RCC2: variants seen among roughly 807,000 people sequenced by gnomAD.
RCC2 encodes the protein regulator of chromosome condensation 2, also known as protein RCC2.
Under a neutral mutation model 64.1 loss-of-function variants are expected in RCC2, and 19 were observed. The ratio of observed to expected loss-of-function variants is 0.30; its 90% CI spans 0.21 to 0.44. RCC2 has a LOEUF of 0.44. Among genes scored for constraint, RCC2 ranks in the 20% least tolerant of loss-of-function variants. The probability of loss-of-function intolerance (pLI) is 1.00; values close to 1 mark genes in which losing one functional copy is unlikely to be tolerated. For missense variants in RCC2, 508 were observed against 710.4 expected, an observed-to-expected ratio of 0.72 and a Z score of 3.24; for synonymous variants, 325 against 279.6, an observed-to-expected ratio of 1.16 and a Z score of -1.62.
intron 11 of RCC2, among the ~76,000 whole-genome samples, chr1:17,410,591 G>A (rs939487245): frequency 5.9e-5 from 9 of 152,202 alleles, no homozygotes; most frequent in Admixed American, 5.2e-4. Flanking sequence ...GCGCAGCTAA[G>A]GGGGAGTCTT....
chr1:17,433,539 T>C (rs571878132), intron 2 of RCC2, among the ~76,000 whole-genome samples: 14 of 152,310 alleles, frequency 9.2e-5, no homozygotes, highest in African/African-American at 3.4e-4. Flanking sequence ...ACGAACTCAG[T>C]GTCTGCGACC....
At chr1:17,415,976 G>A (rs535843853) in intron 8 of RCC2, among the ~76,000 whole-genome samples, 10 of 150,714 alleles carry the variant, frequency 6.6e-5, no homozygotes, top group African/African-American at 2.2e-4. Flanking sequence ...GGCTGAGGCA[G>A]GAGAATTGCT....
rs71014951 is a variant in RCC2, at chr1:17,431,359, A to AATATATAT, written c.286-2168_286-2161dup. 1.9e-3 allele frequency among the ~76,000 whole-genome samples: 87 copies of AATATATAT among 44,922 alleles called. 5 individuals carry two copies. The highest frequency in any genetic ancestry group is 4.4e-3 in the South Asian group (6 of 1,364). The allele number at this position is 44,922 out of a possible 152,430, so 29.5% of individuals were successfully genotyped here. On this transcript the variant is annotated intron_variant, in intron 2 of 12. Coordinates refer to ENST00000375436, the MANE Select transcript of RCC2 (RefSeq NM_018715.4). ...AAAAAAAAAAAAAAAAAAAAAAAAAAATATATATATATATATATATATGTG... is the reference window on the plus strand; with the variant it reads ...AAAAAAAAAAAAAAAAAAAAAAAAAAATATATATATATATATATATATATATATATGTG...
At position 17,429,212 on chromosome 1, in the gene RCC2, A is replaced by T. The variant is rs747302610; in HGVS notation, c.286-13T>A. ...ACCCTTCAAGTTTCTGCAGAGACAG[A>T]GAAAGGAAAAAAGAATTAGTGTGTA... On this transcript the variant is annotated splice_polypyrimidine_tract_variant and intron_variant, in intron 2 of 12. Transcript: ENST00000375436. 5 of 1,610,602 alleles carry T rather than the reference A, an allele frequency of 3.1e-6. No homozygotes were observed. Among genetic ancestry groups the T allele is most frequent in the Non-Finnish European group, 4.2e-6 (5 of 1,176,768 alleles).
chr1:17,437,007 C>T lies in RCC2; in HGVS notation c.285+1223G>A, dbSNP rs141396948. On this transcript the variant is annotated intron_variant, in intron 2 of 12. Coordinates refer to ENST00000375436, the MANE Select transcript of RCC2 (RefSeq NM_018715.4). Reference sequence around the variant, plus strand: ...TCTCCTCCACTGCCTAACATGTTAACCCTTTCACCCAGAAGGCACTTTTAC... The same window carrying T: ...TCTCCTCCACTGCCTAACATGTTAATCCTTTCACCCAGAAGGCACTTTTAC... Among the ~76,000 whole-genome samples the T allele has an allele frequency of 3.0e-3, 463 of 152,330 alleles. 2 individuals carry two copies. Among genetic ancestry groups the T allele is most frequent in the Non-Finnish European group, 5.3e-3 (360 of 68,040 alleles).
chr1:17,431,549 C>T (rs917521445), intron 2 of RCC2, among the ~76,000 whole-genome samples: 8 of 146,220 alleles, frequency 5.5e-5, no homozygotes, highest in Non-Finnish European at 1.1e-4. Flanking sequence ...AAAAGGGCAG[C>T]TCCAGGCCCA....
At chr1:17,422,408 T>A in intron 5 of RCC2, 117 bp from the exon 6 acceptor site, 1 of 946,490 alleles carries the variant, frequency 1.1e-6, no homozygotes, top group Non-Finnish European at 1.6e-6. Context: ...AGAAGGCAAG[T>A]GAGACTGCCC....
intron 11 of RCC2, 98 bp downstream of exon 11, chr1:17,412,024 C>T: frequency 9.4e-7 from 1 of 1,062,094 alleles, no homozygotes; most frequent in South Asian, 1.3e-5. Flanking sequence ...AAATGTTTTT[C>T]TTCTGTGTGT....
At chr1:17,417,835 C>T (rs971405087) in intron 7 of RCC2, among the ~76,000 whole-genome samples, 1 of 151,994 alleles carries the variant, frequency 6.6e-6, no homozygotes, top group Non-Finnish European at 1.5e-5. Flanking sequence ...ATACAGTCAG[C>T]CCTCCATGGC....
At chr1:17,411,137 G>A (rs1001727700) in intron 11 of RCC2, among the ~76,000 whole-genome samples, 4 of 152,178 alleles carry the variant, frequency 2.6e-5, no homozygotes, top group Non-Finnish European at 4.4e-5. Flanking sequence ...CAAGAGTGCA[G>A]GAGAGGGAGA....
intron 4 of RCC2, among the ~76,000 whole-genome samples, chr1:17,423,346 A>G (rs1038950032): frequency 2.6e-5 from 4 of 152,184 alleles, no homozygotes; most frequent in African/African-American, 9.7e-5. Flanking sequence ...TACCCTGTAA[A>G]TGGTGCTCAC....
chr1:17,417,892 A>G (rs955888739), intron 7 of RCC2, among the ~76,000 whole-genome samples: 1 of 152,114 alleles, frequency 6.6e-6, no homozygotes, highest in African/African-American at 2.4e-5. Flanking sequence ...GGGGAGGAGG[A>G]AACAAGGAAA....
intron 2 of RCC2, 70 bp downstream of exon 2, chr1:17,438,160 C>T: frequency 1.9e-6 from 2 of 1,076,288 alleles, no homozygotes; most frequent in Non-Finnish European, 2.3e-6. Context: ...CTGGAACGCG[C>T]GCCGTGCCGC....
rs753587186 is a variant in RCC2, at chr1:17,438,198, G to A, written c.285+32C>T. The A allele has an allele frequency of 5.0e-6, 6 of 1,192,642 alleles. No homozygotes were observed. The South Asian group carries it at 1.8e-4, about 35-fold the overall frequency. The allele number at this position is 1,192,642 out of a possible 1,614,324, so 73.9% of individuals were successfully genotyped here. ...CGCTGAGCCCGCCGGCCCCGGCCCT[G>A]CGCCCACCCGTCTACCCTGACCCTC... On this transcript the variant is annotated intron_variant, in intron 2 of 12. Transcript: ENST00000375436.
intron 2 of RCC2, among the ~76,000 whole-genome samples, chr1:17,435,208 C>T (rs1022847182): frequency 6.6e-6 from 1 of 152,202 alleles, no homozygotes; most frequent in Non-Finnish European, 1.5e-5. Flanking sequence ...AATGACAACG[C>T]TCATCTGCCA....
At position 17,409,948 on chromosome 1, in the gene RCC2, G is replaced by A. The variant is rs759937850; in HGVS notation, c.1464+26C>T. The A allele has an allele frequency of 1.1e-5, 17 of 1,601,602 alleles. No individual in the cohort carries two copies. The East Asian group carries it at 1.1e-4, about 11-fold the overall frequency. ...TACCACTGGGTACGGACACGTCCCC[G>A]AGCTGGCACAGCTGCCCCCACTCAC... On this transcript the variant is annotated intron_variant, in intron 12 of 12. Coordinates refer to ENST00000375436, the MANE Select transcript of RCC2 (RefSeq NM_018715.4).
intron 5 of RCC2, 121 bp downstream of exon 5, chr1:17,422,584 C>T: frequency 1.5e-6 from 2 of 1,321,784 alleles, no homozygotes; most frequent in Non-Finnish European, 2.1e-6. Context: ...GTTCTCAGGG[C>T]CTCTTTCTGA....
chr1:17,420,841 G>T lies in RCC2; in HGVS notation c.745-13C>A. 1 of 1,547,314 alleles carries T rather than the reference G, an allele frequency of 6.5e-7. No individual in the cohort carries two copies. The highest frequency in any genetic ancestry group is 1.2e-5 in the South Asian group (1 of 84,652). On this transcript the variant is annotated splice_polypyrimidine_tract_variant and intron_variant, in intron 6 of 12. Coordinates refer to ENST00000375436, the MANE Select transcript of RCC2 (RefSeq NM_018715.4). Reference sequence around the variant, plus strand: ...CGTTGTACATTATCTGAAAAGACAAGAAAGGAGACTTTCATTTTTTTTAAA... The same window carrying T: ...CGTTGTACATTATCTGAAAAGACAATAAAGGAGACTTTCATTTTTTTTAAA...
At chr1:17,421,912 C>T (rs558023121) in intron 6 of RCC2, among the ~76,000 whole-genome samples, 1 of 152,202 alleles carries the variant, frequency 6.6e-6, no homozygotes, top group African/African-American at 2.4e-5. Context: ...GTAATCCCAG[C>T]TACTCCAGAG....
Sources: allele counts gnomAD v4.1 joint callset (sites outside exome capture counted in the v4.1 genomes callset), GRCh38; gene constraint gnomAD v4.1.1; transcripts MANE v1.5; gene names NCBI Gene and HGNC (gene_info 2026-07-23, HGNC 2026-07-21).